MAOB: variants seen among roughly 807,000 people sequenced by gnomAD.
MAOB encodes monoamine oxidase B.
Under a neutral mutation model 41.9 loss-of-function variants are expected in MAOB, and 15 were observed. The ratio of observed to expected loss-of-function variants is 0.36; its 90% CI spans 0.24 to 0.55. The LOEUF is 0.55. Ranked by LOEUF, MAOB falls within the 20% of genes least tolerant of loss-of-function variation. The probability of loss-of-function intolerance (pLI) is 0.86; values close to 1 mark genes in which losing one functional copy is unlikely to be tolerated. For missense variants in MAOB, 345 were observed against 398.7 expected (o/e 0.87, Z 1.15); for synonymous variants, 167 against 144.2 (o/e 1.16, Z -1.13).
At chrX:43,868,568 G>T (rs1166471119) in intron 1 of MAOB, among the ~76,000 whole-genome samples, 1 of 111,173 alleles carries the variant, frequency 9.0e-6, no homozygotes, top group Admixed American at 9.6e-5. Context: ...GACACTGACG[G>T]TTCCTGTGTG....
intron 1 of MAOB, among the ~76,000 whole-genome samples, chrX:43,856,656 TC>T (rs1269878761): frequency 8.9e-6 from 1 of 111,844 alleles, no homozygotes; most frequent in Non-Finnish European, 1.9e-5. Flanking sequence ...TATACTGCAT[TC>T]TTACAATAAA....
chrX:43,814,758 G>A (rs950365777), intron 3 of MAOB, among the ~76,000 whole-genome samples: 1 of 112,237 alleles, frequency 8.9e-6, no homozygotes. Context: ...ATGGATGGAT[G>A]AATGAATGGA....
intron 14 of MAOB, 89 bp downstream of exon 14, chrX:43,768,565 G>T (rs774326738): frequency 4.2e-6 from 3 of 712,943 alleles, no homozygotes; most frequent in South Asian, 2.4e-5. Context: ...CTTAGGAAAA[G>T]GTATGTGAAT....
At chrX:43,810,380 T>C (rs2034732044) in intron 3 of MAOB, among the ~76,000 whole-genome samples, 1 of 110,980 alleles carries the variant, frequency 9.0e-6, no homozygotes. Flanking sequence ...CTCACTCATT[T>C]TGTTTGTTTT....
chrX:43,801,468 A>AT (rs1373610326), intron 5 of MAOB, among the ~76,000 whole-genome samples: 1 of 110,882 alleles, frequency 9.0e-6, no homozygotes, highest in Non-Finnish European at 1.9e-5. Context: ...TTTGGCTTCC[A>AT]TTTCTCTTAT....
chrX:43,788,973 T>G (rs976342971), intron 8 of MAOB, among the ~76,000 whole-genome samples: 11 of 111,396 alleles, frequency 9.9e-5, no homozygotes, highest in African/African-American at 3.6e-4. Context: ...TGTTTCAAAT[T>G]TTGGCTCTTT....
intron 3 of MAOB, among the ~76,000 whole-genome samples, chrX:43,814,404 C>T (rs148182132): frequency 9.1e-4 from 102 of 111,988 alleles, no homozygotes; most frequent in African/African-American, 3.1e-3. Flanking sequence ...TAATATCCAT[C>T]AGCGCAAAGT....
chrX:43,840,464 T>C (rs1427161767), intron 2 of MAOB, among the ~76,000 whole-genome samples: 2 of 111,741 alleles, frequency 1.8e-5, no homozygotes, highest in East Asian at 5.6e-4. Flanking sequence ...ATAAAGGAGA[T>C]GACTCAAAGT....
rs2035479507 is a variant in MAOB at position 43,882,403 on chromosome X, T to C, written c.-104A>G. On this transcript the variant is annotated 5_prime_UTR_variant, in exon 1 of 15. Transcript: ENST00000378069. The stretch of plus-strand genomic sequence containing the variant: ...CAGCCCGCCCGCCTGCCCGCCGGCC[T>C]GCTGCGCGCTGCCCCCGTGCACCAG... 9.1e-7 allele frequency: 1 copy of C among 1,093,038 alleles called. No homozygotes were observed. The highest frequency in any genetic ancestry group is 1.2e-6 in the Non-Finnish European group (1 of 839,295). The allele number at this position is 1,093,038 out of a possible 1,213,427, so 90.1% of individuals were successfully genotyped here. A position where few individuals can be genotyped will look rare whatever the true frequency, so the allele number is the denominator to read the frequency against.
chrX:43,841,121 G>A (rs1176066215), intron 2 of MAOB, among the ~76,000 whole-genome samples: 1 of 111,245 alleles, frequency 9.0e-6, no homozygotes, highest in Non-Finnish European at 1.9e-5. Flanking sequence ...AGAGCTGTGA[G>A]TCAGAATTTT....
At chrX:43,768,396 C>T (rs3027442) in intron 14 of MAOB, among the ~76,000 whole-genome samples, 1,277 of 110,393 alleles carry the variant, frequency 0.012, 29 homozygotes, top group African/African-American at 0.04. Flanking sequence ...TAGAAGTCTC[C>T]GAGAAATGTC....
Position 43,873,377 on chromosome X carries a change from G to C in MAOB, c.46+8877C>G, listed in dbSNP as rs147740768. Among the ~76,000 whole-genome samples, 581 of 110,490 alleles carry C rather than the reference G, an allele frequency of 5.3e-3. 1 individual carries two copies. Among genetic ancestry groups the C allele is most frequent in the Non-Finnish European group, 9.2e-3 (485 of 52,825 alleles). ...GGGACGATTATTTAGGCTAGAAGGA[G>C]AGCAAATAAAACTAAGTATCTAGTA... On this transcript the variant is annotated intron_variant, in intron 1 of 14. Coordinates refer to ENST00000378069, the MANE Select transcript of MAOB (RefSeq NM_000898.5).
chrX:43,799,014 C>T lies in MAOB; in HGVS notation c.477-1748G>A, dbSNP rs1184171928. On this transcript the variant is annotated intron_variant, in intron 5 of 14. Coordinates refer to ENST00000378069, the MANE Select transcript of MAOB (RefSeq NM_000898.5). ...GTTTTCTAATTAGTCAGCTGACAGC[C>T]TTGGAAGTGCAGCTACTCACCAAGG... 9.0e-5 allele frequency among the ~76,000 whole-genome samples: 10 copies of T among 111,648 alleles called. 1 individual carries two copies. Among genetic ancestry groups the T allele is most frequent in the Admixed American group, 8.6e-4 (9 of 10,490 alleles).
At chrX:43,802,530 C>T (rs961208437) in intron 4 of MAOB, among the ~76,000 whole-genome samples, 68 of 111,887 alleles carry the variant, frequency 6.1e-4, no homozygotes, top group African/African-American at 2.2e-3. Flanking sequence ...TAAATAGAGG[C>T]ATGTTGTAAC....
intron 13 of MAOB, 72 bp from the exon 14 acceptor site, chrX:43,768,788 CTAAG>C (rs2034143360): frequency 1.4e-5 from 12 of 866,175 alleles, no homozygotes; most frequent in South Asian, 4.2e-5. Flanking sequence ...CCCTAAAGGA[CTAAG>C]TAACTGTCTC....
intron 2 of MAOB, among the ~76,000 whole-genome samples, chrX:43,841,621 A>G (rs1344121869): frequency 1.8e-5 from 2 of 112,337 alleles, no homozygotes; most frequent in Non-Finnish European, 3.8e-5. Flanking sequence ...TACAAAAAGA[A>G]CAAAGGTGAA....
intron 1 of MAOB, 37 bp from the exon 2 acceptor site, chrX:43,843,801 C>G (rs759382797): frequency 1.7e-6 from 2 of 1,199,938 alleles, no homozygotes; most frequent in African/African-American, 3.5e-5. Flanking sequence ...GGATCAAATA[C>G]AAGGATGCCA....
intron 1 of MAOB, among the ~76,000 whole-genome samples, chrX:43,879,611 C>G (rs2035461206): frequency 9.0e-6 from 1 of 111,469 alleles, no homozygotes; most frequent in Non-Finnish European, 1.9e-5. Flanking sequence ...TATCTTTTCC[C>G]AAAACCTTCT....
In MAOB at chrX:43,825,387, T is replaced by A. The variant is rs756544807; in HGVS notation, c.279+13481A>T. On this transcript the variant is annotated intron_variant, in intron 3 of 14. Transcript: ENST00000378069. ...CTTACCCAAAGACCCATTTTTAATT[T>A]ATTTATTTATTATTATTATACTTTA... Among the ~76,000 whole-genome samples the A allele has an allele frequency of 2.5e-4, 28 of 110,280 alleles. 1 individual carries two copies. Among genetic ancestry groups the A allele is most frequent in the Admixed American group, 1.6e-3 (16 of 10,253 alleles).
Sources: gnomAD v4.1 joint callset for allele counts (sites outside exome capture counted in the v4.1 genomes callset) on GRCh38, gnomAD v4.1.1 for gene constraint, MANE v1.5 for transcripts, NCBI Gene and HGNC (gene_info 2026-07-23, HGNC 2026-07-21) for gene names.